The following SRRM4 variants were observed in gnomAD, a reference collection of about 807,000 sequenced individuals.
SRRM4 encodes the protein serine/arginine repetitive matrix 4, also known as serine/arginine repetitive matrix protein 4.
SRRM4 carries 33 observed loss-of-function variants against 68.9 expected under a neutral mutation model. The ratio of observed to expected loss-of-function variants is 0.48; its 90% confidence interval spans 0.36 to 0.64. The LOEUF (loss-of-function observed/expected upper bound fraction) is 0.64. SRRM4 is among the 30% of genes least tolerant of loss of function. SRRM4 has a pLI of 0.00. For missense variants in SRRM4, 817 were observed against 827.1 expected (o/e 0.99, Z 0.15); for synonymous variants, 318 against 318.8 (o/e 1.00, Z 0.03).
At chr12:119,073,563 G>A (rs1345357561) in intron 1 of SRRM4, among the ~76,000 whole-genome samples, 1 of 152,044 alleles carries the variant, frequency 6.6e-6, no homozygotes, top group East Asian at 1.9e-4. Flanking sequence ...TACTTCAAGT[G>A]ATCTACCCAC....
At chr12:119,020,048 T>C (rs1243176964) in intron 1 of SRRM4, among the ~76,000 whole-genome samples, 1 of 149,340 alleles carries the variant, frequency 6.7e-6, no homozygotes, top group Non-Finnish European at 1.5e-5. Flanking sequence ...AGATTTGCTT[T>C]CTCTGGGTGG....
intron 1 of SRRM4, among the ~76,000 whole-genome samples, chr12:118,988,824 C>A (rs1019690145): frequency 6.6e-6 from 1 of 151,848 alleles, no homozygotes. Flanking sequence ...AACAATAAAG[C>A]CAAGGAAAGG....
intron 5 of SRRM4, among the ~76,000 whole-genome samples, chr12:119,121,520 C>T (rs906310560): frequency 2.0e-5 from 3 of 152,152 alleles, no homozygotes; most frequent in Non-Finnish European, 4.4e-5. Context: ...AAATATCTTC[C>T]TGGATATTCC....
At chr12:118,996,546 A>G (rs749080491) in intron 1 of SRRM4, among the ~76,000 whole-genome samples, 2 of 152,240 alleles carry the variant, frequency 1.3e-5, no homozygotes, top group Non-Finnish European at 2.9e-5. Flanking sequence ...AGGCAGGTAA[A>G]GTGACTTGCC....
intron 1 of SRRM4, among the ~76,000 whole-genome samples, chr12:119,027,893 G>C (rs1024316225): frequency 6.6e-6 from 1 of 152,190 alleles, no homozygotes; most frequent in Non-Finnish European, 1.5e-5. Context: ...GTGGTCTTTT[G>C]CATCCCCATA....
rs145323578 is a variant in SRRM4, at chr12:119,129,571, C to T, written c.615-1107C>T. On this transcript the variant is annotated intron_variant, in intron 7 of 12. Transcript: ENST00000267260. ...CACATGGAAACACAGATGGACACACCCAGACATACACATAGTCACATGACA... is the reference window on the plus strand; with the variant it reads ...CACATGGAAACACAGATGGACACACTCAGACATACACATAGTCACATGACA... Among the ~76,000 whole-genome samples the T allele has an allele frequency of 1.8e-3, 270 of 152,234 alleles. 1 individual carries two copies. The highest frequency in any genetic ancestry group is 2.9e-3 in the Non-Finnish European group (198 of 68,012).
chr12:119,125,586 C>A (rs1024985582), intron 7 of SRRM4, 107 bp downstream of exon 7: 4 of 956,864 alleles, frequency 4.2e-6, no homozygotes, highest in Non-Finnish European at 6.2e-6. Context: ...GGTTTGGCCC[C>A]CTTCCTCAGA....
intron 1 of SRRM4, among the ~76,000 whole-genome samples, chr12:119,087,616 TTGAC>T (rs1369510849): frequency 6.6e-6 from 1 of 152,204 alleles, no homozygotes; most frequent in East Asian, 1.9e-4. Context: ...AGCTGGCTGA[TTGAC>T]TGAGTGTCTC....
intron 2 of SRRM4, chr12:119,114,069 TACA>T (rs1387615205): frequency 2.2e-6 from 1 of 450,184 alleles, no homozygotes; most frequent in Admixed American, 3.3e-5. Flanking sequence ...TTGGGTAACG[TACA>T]ACGTCTGTCT....
chr12:119,150,026 C>A (rs1954428757), intron 9 of SRRM4, among the ~76,000 whole-genome samples: 1 of 152,154 alleles, frequency 6.6e-6, no homozygotes, highest in South Asian at 2.1e-4. Flanking sequence ...AAATGGGTTA[C>A]ATCAAAATTT....
chr12:119,112,402 C>T (rs1292705588), intron 2 of SRRM4, among the ~76,000 whole-genome samples: 2 of 152,102 alleles, frequency 1.3e-5, no homozygotes, highest in South Asian at 4.1e-4. Flanking sequence ...CCTCAAAGAC[C>T]TAGAACCAGA....
intron 10 of SRRM4, among the ~76,000 whole-genome samples, chr12:119,152,841 G>C (rs575620263): frequency 1.5e-4 from 23 of 152,322 alleles, no homozygotes; most frequent in Non-Finnish European, 2.9e-4. Flanking sequence ...AAGAAGACTA[G>C]GAGGAGCATA....
chr12:119,029,945 A>C lies in SRRM4; in HGVS notation c.131+47932A>C, dbSNP rs112754905. ...AGGATGACCTTCCAGCTAATGGCCC[A>C]TACCTGGGGACCCATGCAGCTGTCC... On this transcript the variant is annotated intron_variant, in intron 1 of 12. Transcript: ENST00000267260. Among the ~76,000 whole-genome samples the C allele has an allele frequency of 1.0e-3, 156 of 152,254 alleles. 2 individuals are homozygous for C. The highest frequency in any genetic ancestry group is 3.3e-3 in the African/African-American group (136 of 41,544).
chr12:119,054,222 C>T (rs1406648518), intron 1 of SRRM4, among the ~76,000 whole-genome samples: 1 of 152,156 alleles, frequency 6.6e-6, no homozygotes, highest in African/African-American at 2.4e-5. Context: ...GGATCTCATT[C>T]TTTTTATGGC....
intron 1 of SRRM4, among the ~76,000 whole-genome samples, chr12:119,082,416 T>G (rs1463069983): frequency 6.6e-6 from 1 of 152,198 alleles, no homozygotes; most frequent in African/African-American, 2.4e-5. Context: ...GCAGAAAACC[T>G]TTGATTGATC....
At chr12:119,084,452 G>A (rs1376239362) in intron 1 of SRRM4, among the ~76,000 whole-genome samples, 1 of 152,198 alleles carries the variant, frequency 6.6e-6, no homozygotes, top group Non-Finnish European at 1.5e-5. Flanking sequence ...GAAGAAATAT[G>A]TATTACATAT....
intron 2 of SRRM4, 67 bp downstream of exon 2, chr12:119,102,449 C>T: frequency 1.5e-6 from 2 of 1,315,464 alleles, no homozygotes; most frequent in Non-Finnish European, 2.1e-6. Flanking sequence ...GGCCATGGCT[C>T]ACCCCTCTCT....
intron 1 of SRRM4, among the ~76,000 whole-genome samples, chr12:119,096,664 T>C (rs1026697009): frequency 5.3e-5 from 8 of 152,234 alleles, no homozygotes; most frequent in Non-Finnish European, 1.0e-4. Flanking sequence ...GGCCTCCCTT[T>C]CTCCACTCTG....
intron 1 of SRRM4, among the ~76,000 whole-genome samples, chr12:119,006,208 C>T (rs1953415134): frequency 6.6e-6 from 1 of 152,196 alleles, no homozygotes; most frequent in African/African-American, 2.4e-5. Flanking sequence ...TGGGCAGTTT[C>T]CAGGGAGGAT....
Sources: allele counts gnomAD v4.1 joint callset (sites outside exome capture counted in the v4.1 genomes callset), GRCh38; gene constraint gnomAD v4.1.1; transcripts MANE v1.5; gene names NCBI Gene and HGNC (gene_info 2026-07-23, HGNC 2026-07-21).